FTO: variants seen among roughly 807,000 people sequenced by gnomAD.
FTO encodes the protein alpha-ketoglutarate-dependent dioxygenase FTO.
Under a neutral mutation model 63.9 loss-of-function variants are expected in FTO, and 47 were observed. The observed-to-expected ratio is 0.74, with a 90% CI of 0.58 to 0.94. The LOEUF is 0.94. Among genes scored for constraint, FTO ranks in the 40% least tolerant of loss-of-function variants. The pLI is 0.00. For missense variants in FTO, 562 were observed against 618.1 expected, an observed-to-expected ratio of 0.91 and a Z score of 0.96; for synonymous variants, 207 against 224.4, an observed-to-expected ratio of 0.92 and a Z score of 0.69.
At chr16:53,998,201 T>C (rs1248921136) in intron 8 of FTO, 1 of 152,128 alleles carries the variant, frequency 6.6e-6, no homozygotes, top group Non-Finnish European at 1.5e-5. Context: ...AGAGTCAAGA[T>C]CATGTGTATT....
intron 1 of FTO, among the ~76,000 whole-genome samples, chr16:53,745,852 G>A (rs144186884): frequency 4.5e-4 from 69 of 152,296 alleles, no homozygotes; most frequent in African/African-American, 1.6e-3. Context: ...CTAAGTGGCC[G>A]TTGTTCATTT....
chr16:53,762,086 A>G (rs1482351081), intron 1 of FTO, among the ~76,000 whole-genome samples: 1 of 152,156 alleles, frequency 6.6e-6, no homozygotes, highest in African/African-American at 2.4e-5. Context: ...AGGAATGGAA[A>G]CCTGACTAGT....
At chr16:53,832,287 T>C (rs1438343051) in intron 3 of FTO, among the ~76,000 whole-genome samples, 2 of 152,196 alleles carry the variant, frequency 1.3e-5, no homozygotes, top group Non-Finnish European at 2.9e-5. Flanking sequence ...ATATTGAACA[T>C]TTATAGTTTT....
intron 7 of FTO, among the ~76,000 whole-genome samples, chr16:53,932,861 G>A (rs1026823318): frequency 7.9e-5 from 12 of 152,130 alleles, no homozygotes; most frequent in East Asian, 5.8e-4. Flanking sequence ...ATTTTCCCCC[G>A]TTTCTTTATC....
At chr16:53,821,421 A>C (rs535958164) in intron 2 of FTO, among the ~76,000 whole-genome samples, 1 of 152,208 alleles carries the variant, frequency 6.6e-6, no homozygotes, top group African/African-American at 2.4e-5. Flanking sequence ...GTTGCTGCTC[A>C]TGGCTTCAGA....
intron 8 of FTO, among the ~76,000 whole-genome samples, chr16:54,022,858 T>C (rs538924142): frequency 2.8e-4 from 42 of 152,366 alleles, no homozygotes; most frequent in African/African-American, 9.9e-4. Flanking sequence ...TCAATCTTAA[T>C]AGTGAACAAA....
intron 1 of FTO, among the ~76,000 whole-genome samples, chr16:53,734,360 C>T (rs1367817388): frequency 6.6e-6 from 1 of 152,056 alleles, no homozygotes; most frequent in Non-Finnish European, 1.5e-5. Flanking sequence ...ACTCTCTGTA[C>T]AAAATTTGAA....
At chr16:53,925,313 G>A (rs2082112986) in intron 7 of FTO, among the ~76,000 whole-genome samples, 1 of 152,130 alleles carries the variant, frequency 6.6e-6, no homozygotes, top group East Asian at 1.9e-4. Context: ...AGACAGCTAT[G>A]TATATAAAAA....
intron 1 of FTO, among the ~76,000 whole-genome samples, chr16:53,728,924 G>T (rs1013580640): frequency 9.6e-5 from 14 of 145,122 alleles, no homozygotes; most frequent in East Asian, 2.0e-4. Context: ...ATCATGACTG[G>T]TTTTTTTTTT....
intron 8 of FTO, among the ~76,000 whole-genome samples, chr16:54,086,897 C>T (rs949979389): frequency 2.6e-5 from 4 of 152,324 alleles, no homozygotes; most frequent in South Asian, 2.1e-4. Context: ...AGACCCTCCA[C>T]GTCCCAAAGG....
intron 2 of FTO, among the ~76,000 whole-genome samples, chr16:53,811,832 A>G (rs2078534507): frequency 6.6e-6 from 1 of 151,094 alleles, no homozygotes; most frequent in Admixed American, 6.6e-5. Context: ...TTATTTTTTG[A>G]CAGAGGATCT....
intron 8 of FTO, among the ~76,000 whole-genome samples, chr16:53,960,158 T>C (rs1374156736): frequency 6.6e-6 from 1 of 152,120 alleles, no homozygotes; most frequent in African/African-American, 2.4e-5. Context: ...GGTCATCTCT[T>C]CTCTCCTTTA....
At chr16:53,986,532 G>A (rs1466899535) in intron 8 of FTO, among the ~76,000 whole-genome samples, 1 of 152,174 alleles carries the variant, frequency 6.6e-6, no homozygotes, top group African/African-American at 2.4e-5. Context: ...ATGTAATGCT[G>A]TCTTCTGCTA....
chr16:53,790,258 T>C (rs1292339000), intron 1 of FTO, among the ~76,000 whole-genome samples: 4 of 151,924 alleles, frequency 2.6e-5, no homozygotes, highest in Non-Finnish European at 5.9e-5. Context: ...ACTGAAACTG[T>C]ACCAATTAAA....
At chr16:53,845,537 T>C (rs2079594872) in intron 4 of FTO, among the ~76,000 whole-genome samples, 1 of 152,236 alleles carries the variant, frequency 6.6e-6, no homozygotes, top group African/African-American at 2.4e-5. Flanking sequence ...TCTGCCTAAA[T>C]AAAGTAACTT....
chr16:54,055,824 T>C (rs1253058783), intron 8 of FTO, among the ~76,000 whole-genome samples: 1 of 152,252 alleles, frequency 6.6e-6, no homozygotes, highest in Non-Finnish European at 1.5e-5. Flanking sequence ...CCCCATTATC[T>C]ACTGATTAGC....
At chr16:54,030,003 G>A (rs1297442297) in intron 8 of FTO, among the ~76,000 whole-genome samples, 1 of 152,126 alleles carries the variant, frequency 6.6e-6, no homozygotes, top group Admixed American at 6.5e-5. Flanking sequence ...ACTTGCATGA[G>A]AAAATATTTC....
intron 7 of FTO, among the ~76,000 whole-genome samples, chr16:53,903,883 T>C (rs942367813): frequency 6.6e-6 from 1 of 152,092 alleles, no homozygotes; most frequent in African/African-American, 2.4e-5. Context: ...ATAGAGTTTG[T>C]AGCAGAGTTT....
At chr16:53,766,875 G>T (rs2077218379) in intron 1 of FTO, among the ~76,000 whole-genome samples, 1 of 152,078 alleles carries the variant, frequency 6.6e-6, no homozygotes, top group Non-Finnish European at 1.5e-5. Flanking sequence ...CTGTCTCTAA[G>T]CCCAACAAAC....
Sources: allele counts gnomAD v4.1 joint callset (sites outside exome capture counted in the v4.1 genomes callset), GRCh38; gene constraint gnomAD v4.1.1; transcripts MANE v1.5; gene names NCBI Gene and HGNC (gene_info 2026-07-23, HGNC 2026-07-21).